The following ZNF12 variants were observed in gnomAD, a reference collection of about 807,000 sequenced individuals.
ZNF12 encodes the protein zinc finger protein 12.
ZNF12 carries 34 observed loss-of-function variants against 66.6 expected under a neutral mutation model. The ratio of observed to expected loss-of-function variants is 0.51; its 90% confidence interval spans 0.39 to 0.68. The LOEUF is 0.68. ZNF12 is among the 30% of genes least tolerant of loss of function. The pLI, the probability that ZNF12 is intolerant of heterozygous loss-of-function variation, is 0.00. For missense variants in ZNF12, 697 were observed against 826.9 expected, an observed-to-expected ratio of 0.84 and a Z score of 1.93; for synonymous variants, 320 against 278.9, an observed-to-expected ratio of 1.15 and a Z score of -1.47.
rs1196238334 is a variant in ZNF12 at position 6,691,016 on chromosome 7, G to A, written c.1926C>T (p.Phe642=). 5.0e-6 allele frequency: 8 copies of A among 1,614,024 alleles called. No individual in the cohort carries two copies. The highest frequency in any genetic ancestry group is 6.8e-6 in the Non-Finnish European group (8 of 1,180,016). ...GTACAGTGAGGTATGACATCCGAGA[G>A]AAGGCTTTTCCACACTCATTACATT... ...PFECNECGKA[F]SRMSYLTVHY... The change falls in exon 5 of 5, where the codon TTC becomes TTT. Residue 642 remains phenylalanine, a synonymous_variant. Transcript: ENST00000405858.
rs1780076635 is a variant in ZNF12 at position 6,691,988 on chromosome 7, T to C, written c.954A>G (p.Thr318=). Residue 318 remains threonine, a synonymous_variant, in exon 5 of 5, where the codon ACA becomes ACG. Transcript: ENST00000405858. ...QKGTLTVHQR[T]HTGEKPYECN... is the part of the protein sequence containing the mutation. ...ATTCATAGGGCTTCTCCCCTGTGTG[T>C]GTTCTCTGATGCACAGTAAGGGTTC... The C allele has an allele frequency of 1.2e-6, 2 of 1,613,820 alleles. No homozygotes were observed. The highest frequency in any genetic ancestry group is 1.7e-6 in the Non-Finnish European group (2 of 1,179,920).
Position 6,690,629 on chromosome 7 carries a change from T to A in ZNF12, c.*219A>T. ...CATGTATATACATTCTTAATATTTA[T>A]AAATTTTTACTTGTCTATAGTCTAG... On this transcript the variant is annotated 3_prime_UTR_variant, in exon 5 of 5. Transcript: ENST00000405858. 2.0e-6 allele frequency: 1 copy of A among 489,850 alleles called. No homozygotes were observed. Among genetic ancestry groups the A allele is most frequent in the East Asian group, 3.3e-5 (1 of 30,566 alleles). 30.3% of individuals were successfully genotyped at this position (489,850 alleles called of 1,614,324 possible). A position where few individuals can be genotyped will look rare whatever the true frequency, so the allele number is the denominator to read the frequency against.
Position 6,705,044 on chromosome 7 carries a change from G to C in ZNF12, c.15+115C>G, listed in dbSNP as rs1780331314. The C allele has an allele frequency of 7.8e-7, 1 of 1,283,486 alleles. No homozygotes were observed. Among genetic ancestry groups the C allele is most frequent in the East Asian group, 2.5e-5 (1 of 39,506 alleles). The allele number at this position is 1,283,486 out of a possible 1,614,324, so 79.5% of individuals were successfully genotyped here. A position where few individuals can be genotyped will look rare whatever the true frequency, so the allele number is the denominator to read the frequency against. On this transcript the variant is annotated intron_variant, in intron 2 of 4. Transcript: ENST00000405858. The surrounding 1 kb of genome is among the most constrained non-coding windows in gnomAD (Gnocchi z 4.0). ...GGTGCTGATGGCTACTGTTCTGTCT[G>C]ACCAAATCTTGTATCTATTTCTACT...
At position 6,692,740 on chromosome 7, in the gene ZNF12, T is replaced by C. The variant is rs766852288; in HGVS notation, c.239-37A>G. On this transcript the variant is annotated intron_variant, in intron 4 of 4. Coordinates refer to ENST00000405858, the MANE Select transcript of ZNF12 (RefSeq NM_016265.4). The surrounding 1 kb of genome is among the most constrained non-coding windows in gnomAD (Gnocchi z 5.1). The stretch of plus-strand genomic sequence containing the variant: ...CAAAATTAATAAACTTTTGTACATC[T>C]TCCTATATATATATGATATGGAATG... 4.6e-6 allele frequency: 7 copies of C among 1,509,364 alleles called. No individual in the cohort carries two copies. Among genetic ancestry groups the C allele is most frequent in the Non-Finnish European group, 6.2e-6 (7 of 1,129,012 alleles). 93.5% of individuals were successfully genotyped at this position (1,509,364 alleles called of 1,614,324 possible). A position where few individuals can be genotyped will look rare whatever the true frequency, so the allele number is the denominator to read the frequency against.
At position 6,706,876 on chromosome 7, in the gene ZNF12, C is replaced by T; in HGVS notation, c.-495G>A. 9.9e-6 allele frequency: 4 copies of T among 403,722 alleles called. No individual in the cohort carries two copies. The highest frequency in any genetic ancestry group is 8.7e-5 in the Admixed American group (3 of 34,500). The allele number at this position is 403,722 out of a possible 1,614,324, so 25.0% of individuals were successfully genotyped here. Reference sequence around the variant, plus strand: ...CCAGCCCCGCAGGCTCCGCGATTCTCGCCCACCGGAGGCCAAAGCCTGGGA... The same window carrying T: ...CCAGCCCCGCAGGCTCCGCGATTCTTGCCCACCGGAGGCCAAAGCCTGGGA... On this transcript the variant is annotated 5_prime_UTR_variant, in exon 1 of 5. Transcript: ENST00000405858.
intron 2 of ZNF12, among the ~76,000 whole-genome samples, chr7:6,700,336 C>CACACACACAT (rs59783256): frequency 0.028 from 4,012 of 142,836 alleles, 178 homozygotes; most frequent in East Asian, 0.15. Flanking sequence ...CACACACACA[C>CACACACACAT]ATATATATAC....
rs1390246987 is a variant in ZNF12 at position 6,688,659 on chromosome 7, C to T, written c.*2189G>A. ...AGTGCTGAGTGACAAAAACAGGAGC[C>T]ATGTGTGATTTTAATAAATGGAAAA... is the stretch of plus-strand genomic sequence containing the variant. On this transcript the variant is annotated 3_prime_UTR_variant, in exon 5 of 5. Transcript: ENST00000405858. This position sits in a 1 kb window ranked among gnomAD's most constrained non-coding sequence, Gnocchi z 4.3. 2 of 152,124 alleles carry T rather than the reference C, an allele frequency of 1.3e-5. No homozygotes were observed. The highest frequency in any genetic ancestry group is 4.8e-5 in the African/African-American group (2 of 41,412). 9.4% of individuals were successfully genotyped at this position (152,124 alleles called of 1,614,324 possible).
chr7:6,702,084 A>C (rs962463130), intron 2 of ZNF12, among the ~76,000 whole-genome samples: 4 of 152,018 alleles, frequency 2.6e-5, no homozygotes, highest in Non-Finnish European at 4.4e-5. Context: ...ACCTCCCCTG[A>C]GCTAAATCCC....
intron 4 of ZNF12, among the ~76,000 whole-genome samples, chr7:6,694,027 C>T (rs533507216): frequency 2.6e-5 from 4 of 151,994 alleles, no homozygotes; most frequent in Non-Finnish European, 4.4e-5. Context: ...ATTAGCCGGG[C>T]GTGGTGGTGG....
rs1780337431 is a variant in ZNF12 at position 6,705,363 on chromosome 7, T to G, written c.-50-140A>C. On this transcript the variant is annotated intron_variant, in intron 1 of 4. Transcript: ENST00000405858. This position sits in a 1 kb window ranked among gnomAD's most constrained non-coding sequence, Gnocchi z 4.0. The stretch of plus-strand genomic sequence containing the variant: ...GTCCCTTTAAGCCTTCAGAAGGGAT[T>G]GGAAAATGATCAGGAGGGGGACCGA... The G allele has an allele frequency of 1.6e-6, 1 of 606,114 alleles. No homozygotes were observed. The highest frequency in any genetic ancestry group is 2.0e-5 in the South Asian group (1 of 49,534). 37.5% of individuals were successfully genotyped at this position (606,114 alleles called of 1,614,324 possible).
chr7:6,702,064 G>A (rs766439096), intron 2 of ZNF12, among the ~76,000 whole-genome samples: 6 of 151,742 alleles, frequency 4.0e-5, no homozygotes, highest in Non-Finnish European at 7.4e-5. Flanking sequence ...GGGCCTCAGA[G>A]AGTCACATGA....
Position 6,700,336 on chromosome 7 carries a change from C to CACATAT in ZNF12, c.16-2526_16-2525insATATGT, listed in dbSNP as rs59783256. On this transcript the variant is annotated intron_variant, in intron 2 of 4. Transcript: ENST00000405858. ...ACACACACACACACACACACACACA[C>CACATAT]ATATATATACATATGTGCCAGGGAC... is the stretch of plus-strand genomic sequence containing the variant. Among the ~76,000 whole-genome samples, 1,169 of 143,032 alleles carry CACATAT rather than the reference C, an allele frequency of 8.2e-3. 10 individuals carry two copies. Among genetic ancestry groups the CACATAT allele is most frequent in the African/African-American group, 0.021 (752 of 36,268 alleles). 93.8% of individuals were successfully genotyped at this position (143,032 alleles called of 152,430 possible). A position where few individuals can be genotyped will look rare whatever the true frequency, so the allele number is the denominator to read the frequency against.
chr7:6,692,633 A>C lies in ZNF12; in HGVS notation c.309T>G (p.Thr103=), dbSNP rs186792929. Residue 103 remains threonine (T), a synonymous_variant, in exon 5 of 5, where the codon ACT becomes ACG. Coordinates refer to ENST00000405858, the MANE Select transcript of ZNF12 (RefSeq NM_016265.4). The surrounding 1 kb of genome is among the most constrained non-coding windows in gnomAD (Gnocchi z 5.1). ...CTTCAATCAGGGTCTCAATGAACAC[A>C]GTTTGCCTTGAAGGTTTATTTTCCT... The part of the protein sequence containing the change: ...QEEENKPSRQ[T]VFIETLIEER... 6.4e-4 allele frequency: 1,034 copies of C among 1,612,594 alleles called. 11 individuals are homozygous for C. The Admixed American group carries it at 0.016, about 25-fold the overall frequency.
chr7:6,692,470 C>T lies in ZNF12; in HGVS notation c.472G>A (p.Gly158Arg), dbSNP rs1774651189. Residue 158 changes from glycine to arginine, a missense_variant, in exon 5 of 5, where the codon GGA becomes AGA. By Grantham distance (125) the Gly-to-Arg change is moderately radical (BLOSUM62 -2). Coordinates refer to ENST00000405858, the MANE Select transcript of ZNF12 (RefSeq NM_016265.4). The surrounding 1 kb of genome is among the most constrained non-coding windows in gnomAD (Gnocchi z 5.1). ...TSVSEYISSD[G>R]SYARMKADEC... Reference sequence around the variant, plus strand: ...TCAGCTTTCATTCTTGCATAGCTTCCATCACTACTAATATATTCTGAAACA... The same window carrying T: ...TCAGCTTTCATTCTTGCATAGCTTCTATCACTACTAATATATTCTGAAACA... 1 of 1,612,894 alleles carries T rather than the reference C, an allele frequency of 6.2e-7. No homozygotes were observed. The highest frequency in any genetic ancestry group is 8.5e-7 in the Non-Finnish European group (1 of 1,179,374).
In ZNF12 at chr7:6,698,191, G is replaced by C. The variant is rs1051901726; in HGVS notation, c.16-380C>G. On this transcript the variant is annotated intron_variant, in intron 2 of 4. Coordinates refer to ENST00000405858, the MANE Select transcript of ZNF12 (RefSeq NM_016265.4). This position sits in a 1 kb window ranked among gnomAD's most constrained non-coding sequence, Gnocchi z 4.4. The stretch of plus-strand genomic sequence containing the variant: ...AATTTGCTTCTAGAACATTAATAAT[G>C]TTGGTTCTCTTCTTACCTCCCTGGT... 3.3e-5 allele frequency among the ~76,000 whole-genome samples: 5 copies of C among 152,112 alleles called. No individual in the cohort carries two copies. The highest frequency in any genetic ancestry group is 1.2e-4 in the African/African-American group (5 of 41,426).
chr7:6,704,523 G>T (rs1327508359), intron 2 of ZNF12, among the ~76,000 whole-genome samples: 3 of 138,122 alleles, frequency 2.2e-5, no homozygotes, highest in African/African-American at 8.1e-5. Flanking sequence ...GAGCTCAGGA[G>T]TTCGAGAGCA....
In ZNF12 at chr7:6,706,925, G is replaced by T; in HGVS notation, c.-544C>A. Reference sequence around the variant, plus strand: ...GAACTAGGGCGAGCGGTGACCTGGGGACGCACAGGAAGCGAGGGCACTGCG... The same window carrying T: ...GAACTAGGGCGAGCGGTGACCTGGGTACGCACAGGAAGCGAGGGCACTGCG... On this transcript the variant is annotated 5_prime_UTR_variant, in exon 1 of 5. Transcript: ENST00000405858. 1 of 412,488 alleles carries T rather than the reference G, an allele frequency of 2.4e-6. No homozygotes were observed. The highest frequency in any genetic ancestry group is 4.8e-6 in the Non-Finnish European group (1 of 207,700). The allele number at this position is 412,488 out of a possible 1,614,324, so 25.6% of individuals were successfully genotyped here. A position where few individuals can be genotyped will look rare whatever the true frequency, so the allele number is the denominator to read the frequency against.
In ZNF12 at chr7:6,698,932, A is replaced by G. The variant is rs1780192890; in HGVS notation, c.16-1121T>C. ...ATACCAGTATTAAATGGACTAATCCACGAAAAGCACTTAGCATAGTTTTTT... is the reference window on the plus strand; with the variant it reads ...ATACCAGTATTAAATGGACTAATCCGCGAAAAGCACTTAGCATAGTTTTTT... On this transcript the variant is annotated intron_variant, in intron 2 of 4. Transcript: ENST00000405858. The surrounding 1 kb of genome is among the most constrained non-coding windows in gnomAD (Gnocchi z 4.4). Among the ~76,000 whole-genome samples, 1 of 152,254 alleles carries G rather than the reference A, an allele frequency of 6.6e-6. No homozygotes were observed. The highest frequency in any genetic ancestry group is 2.4e-5 in the African/African-American group (1 of 41,468).
rs886643608 is a variant in ZNF12, at chr7:6,705,719, AAAAC to A, written c.-50-500_-50-497del. Reference sequence around the variant, plus strand: ...GGGCAACAAAGCGAAACTTGTCTCAAAAACAAACAAACAAACAAACAAAAAACAA... The same window carrying A: ...GGGCAACAAAGCGAAACTTGTCTCAAAAACAAACAAACAAACAAAAAACAA... On this transcript the variant is annotated intron_variant, in intron 1 of 4. Transcript: ENST00000405858. The surrounding 1 kb of genome is among the most constrained non-coding windows in gnomAD (Gnocchi z 4.0). Among the ~76,000 whole-genome samples the A allele has an allele frequency of 2.6e-4, 39 of 152,132 alleles. No homozygotes were observed. The highest frequency in any genetic ancestry group is 1.2e-3 in the East Asian group (6 of 5,186).
Sources: allele counts gnomAD v4.1 joint callset (sites outside exome capture counted in the v4.1 genomes callset), GRCh38; gene constraint gnomAD v4.1.1; non-coding constraint Gnocchi (gnomAD v3.1); transcripts MANE v1.5; gene names NCBI Gene and HGNC (gene_info 2026-07-23, HGNC 2026-07-21).